Variants in ZC3H8 observed in about 807,000 individuals in gnomAD.
ZC3H8 encodes the protein zinc finger CCCH-type containing 8.
A neutral mutation model predicts 42.5 loss-of-function variants in ZC3H8; 27 were observed. The observed-to-expected ratio is 0.64, with a 90% CI of 0.47 to 0.88. ZC3H8 has a LOEUF of 0.88. Among genes scored for constraint, ZC3H8 ranks in the 40% least tolerant of loss-of-function variants. The probability of loss-of-function intolerance (pLI) is 0.00; values close to 1 mark genes in which losing one functional copy is unlikely to be tolerated. For synonymous variants in ZC3H8, 101 were observed against 110.1 expected, an observed-to-expected ratio of 0.92 and a Z score of 0.52; for missense variants, 277 against 336.1, an observed-to-expected ratio of 0.82 and a Z score of 1.37.
rs971466517 is a variant in ZC3H8 at position 112,234,201 on chromosome 2, A to C, written c.540T>G (p.Ser180Arg). 4.3e-6 allele frequency: 7 copies of C among 1,609,242 alleles called. No homozygotes were observed. The highest frequency in any genetic ancestry group is 5.9e-6 in the Non-Finnish European group (7 of 1,178,484). Residue 180 changes from serine to arginine, a missense_variant, in exon 5 of 9, where the codon AGT (serine) becomes AGG (arginine). Ser to Arg is a moderately radical substitution (Grantham distance 110). Transcript: ENST00000409573. ...CTGTATGTTGGTTGATGAATGCCTG[A>C]CTCAAATGCTGCTGCTTCTCTTTAG... ...GKPKEKQQHL[S>R]QAFINQHTVE...
chr2:112,245,062 C>T (rs1204819446), intron 2 of ZC3H8, among the ~76,000 whole-genome samples: 1 of 152,230 alleles, frequency 6.6e-6, no homozygotes, highest in Non-Finnish European at 1.5e-5. Flanking sequence ...AAATAGCCAA[C>T]TTGTGAATGC....
At position 112,254,045 on chromosome 2, in the gene ZC3H8, C is replaced by A. The variant is rs759759040; in HGVS notation, c.74+863G>T. 11 of 915,198 alleles carry A rather than the reference C, an allele frequency of 1.2e-5. No homozygotes were observed. In the Middle Eastern group the frequency reaches 2.3e-3, roughly 187 times the overall value. 56.7% of individuals were successfully genotyped at this position (915,198 alleles called of 1,614,324 possible). On this transcript the variant is annotated intron_variant, in intron 1 of 8. Coordinates refer to ENST00000409573, the MANE Select transcript of ZC3H8 (RefSeq NM_032494.3). Reference sequence around the variant, plus strand: ...ATCTGTAAAACGAGGACGGCATCATCTTCTCTTTAAGTTTGTTTTGAGGAT... The same window carrying A: ...ATCTGTAAAACGAGGACGGCATCATATTCTCTTTAAGTTTGTTTTGAGGAT...
chr2:112,230,577 A>G (rs908296457), intron 8 of ZC3H8: 11 of 155,158 alleles, frequency 7.1e-5, no homozygotes, highest in African/African-American at 2.7e-4. Context: ...CACGTCATCA[A>G]TTAATACAGA....
rs757410043 is a variant in ZC3H8, at chr2:112,236,561, C to T, written c.504+1G>A. ...ATTCCTAGAAGCATATATTCCAATA[C>T]CTCTTCCTGTGAGCCGCTGTTCCTC... On this transcript the variant is annotated splice_donor_variant, in intron 4 of 8. Coordinates refer to ENST00000409573, the MANE Select transcript of ZC3H8 (RefSeq NM_032494.3). LOFTEE classifies it high-confidence loss of function. 1 of 1,612,572 alleles carries T rather than the reference C, an allele frequency of 6.2e-7. No individual in the cohort carries two copies. The highest frequency in any genetic ancestry group is 8.5e-7 in the Non-Finnish European group (1 of 1,179,502).
At chr2:112,238,209 G>T in intron 3 of ZC3H8, 106 bp downstream of exon 3, 1 of 1,150,234 alleles carries the variant, frequency 8.7e-7, no homozygotes, top group Non-Finnish European at 1.2e-6. Flanking sequence ...GAAAACCATA[G>T]TCTTATCATA....
intron 2 of ZC3H8, among the ~76,000 whole-genome samples, chr2:112,243,969 T>G (rs1032161039): frequency 6.6e-6 from 1 of 151,280 alleles, no homozygotes; most frequent in African/African-American, 2.5e-5. Flanking sequence ...TAAATTGTAA[T>G]TTATGAAATA....
intron 2 of ZC3H8, among the ~76,000 whole-genome samples, chr2:112,241,008 T>G (rs189351059): frequency 7.5e-6 from 1 of 132,688 alleles, no homozygotes; most frequent in Non-Finnish European, 1.7e-5. Flanking sequence ...TGTGTTGTGT[T>G]TTGTGTGTGT....
rs534423573 is a variant in ZC3H8, at chr2:112,252,959, T to C, written c.74+1949A>G. ...GAGATCGAGACCATCCTGTCTAACA[T>C]GGTGAAACCCCGTCTCTACTAAAAA... On this transcript the variant is annotated intron_variant, in intron 1 of 8. Coordinates refer to ENST00000409573, the MANE Select transcript of ZC3H8 (RefSeq NM_032494.3). Among the ~76,000 whole-genome samples, 427 of 152,128 alleles carry C rather than the reference T, an allele frequency of 2.8e-3. 2 individuals carry two copies. Among genetic ancestry groups the C allele is most frequent in the African/African-American group, 9.7e-3 (401 of 41,484 alleles).
rs1025497163 is a variant in ZC3H8, at chr2:112,249,016, G to A, written c.156+1175C>T. Reference sequence around the variant, plus strand: ...TCGAGACCAGCCTGGGCAACATGGCGAAACCCCATGTATATTTTTTCTCTA... The same window carrying A: ...TCGAGACCAGCCTGGGCAACATGGCAAAACCCCATGTATATTTTTTCTCTA... On this transcript the variant is annotated intron_variant, in intron 2 of 8. Transcript: ENST00000409573. 2.6e-5 allele frequency among the ~76,000 whole-genome samples: 4 copies of A among 152,070 alleles called. No homozygotes were observed. In the South Asian group the frequency reaches 6.2e-4, roughly 24 times the overall value.
chr2:112,222,624 G>A (rs954340163), intron 8 of ZC3H8, among the ~76,000 whole-genome samples: 9 of 152,140 alleles, frequency 5.9e-5, no homozygotes, highest in African/African-American at 2.2e-4. Flanking sequence ...TGACAGAAAT[G>A]TCTGTCAAAA....
At chr2:112,250,077 T>A in intron 2 of ZC3H8, 114 bp downstream of exon 2, 1 of 702,534 alleles carries the variant, frequency 1.4e-6, no homozygotes, top group Non-Finnish European at 2.2e-6. Context: ...GTAGGATCCT[T>A]CATTAATTTC....
intron 8 of ZC3H8, among the ~76,000 whole-genome samples, chr2:112,227,746 C>T (rs955109042): frequency 2.6e-5 from 4 of 151,916 alleles, no homozygotes; most frequent in Admixed American, 2.0e-4. Context: ...AGAATATGTA[C>T]GAATAAATTA....
rs1053114371 is a variant in ZC3H8 at position 112,215,072 on chromosome 2, ATACTT to A, written c.*1407_*1411del. 2.6e-4 allele frequency: 40 copies of A among 152,256 alleles called. No individual in the cohort carries two copies. The highest frequency in any genetic ancestry group is 8.9e-4 in the African/African-American group (37 of 41,576). The allele number at this position is 152,256 out of a possible 1,614,324, so 9.4% of individuals were successfully genotyped here. On this transcript the variant is annotated 3_prime_UTR_variant, in exon 9 of 9. Coordinates refer to ENST00000409573, the MANE Select transcript of ZC3H8 (RefSeq NM_032494.3). ...TATATAAACTTTATATATAAAATCT[ATACTT>A]TATAAGTATCAAACTATTATACATG...
At chr2:112,254,765 G>A in intron 1 of ZC3H8, 143 bp downstream of exon 1, 3 of 941,368 alleles carry the variant, frequency 3.2e-6, no homozygotes, top group Middle Eastern at 3.4e-4. Flanking sequence ...TCAGACGGTG[G>A]CGCCCGGCCG....
chr2:112,241,701 T>A (rs1685591557), intron 2 of ZC3H8, among the ~76,000 whole-genome samples: 1 of 152,240 alleles, frequency 6.6e-6, no homozygotes, highest in Admixed American at 6.5e-5. Context: ...ATTATAGTTG[T>A]TGCAGATCTC....
intron 2 of ZC3H8, among the ~76,000 whole-genome samples, chr2:112,243,578 CAAA>C (rs148737685): frequency 0.019 from 2,858 of 152,162 alleles, 83 homozygotes; most frequent in African/African-American, 0.063. Context: ...AATTACCTCA[CAAA>C]GAAGAATCCC....
intron 3 of ZC3H8, 54 bp from the exon 4 acceptor site, chr2:112,236,749 C>T (rs1573910688): frequency 6.7e-7 from 1 of 1,501,610 alleles, no homozygotes; most frequent in East Asian, 2.4e-5. Context: ...TAGCAGTTTA[C>T]TTTTAAGAAG....
At chr2:112,238,992 ACACTT>A (rs1316864432) in intron 2 of ZC3H8, among the ~76,000 whole-genome samples, 2 of 152,262 alleles carry the variant, frequency 1.3e-5, no homozygotes, top group Non-Finnish European at 2.9e-5. Context: ...AAACCCACTT[ACACTT>A]AAGATACATC....
At chr2:112,236,359 A>C (rs1245396067) in intron 4 of ZC3H8, among the ~76,000 whole-genome samples, 1 of 152,230 alleles carries the variant, frequency 6.6e-6, no homozygotes, top group East Asian at 1.9e-4. Flanking sequence ...GCTGGCAGCT[A>C]ATCAGTGAGA....
Sources: allele counts gnomAD v4.1 joint callset (sites outside exome capture counted in the v4.1 genomes callset), GRCh38; gene constraint gnomAD v4.1.1; transcripts MANE v1.5; gene names NCBI Gene and HGNC (gene_info 2026-07-23, HGNC 2026-07-21).